ATMIN: variants seen among roughly 807,000 people sequenced by gnomAD.
ATMIN encodes the protein ATM interactor, also known as ATM INteracting protein.
ATMIN carries 24 observed loss-of-function variants against 49.2 expected under a neutral mutation model. The observed-to-expected ratio is 0.49, with a 90% CI of 0.35 to 0.69. The LOEUF (loss-of-function observed/expected upper bound fraction) is 0.69, where lower values mean the gene tolerates loss of function less well. ATMIN is among the 30% of genes least tolerant of loss of function. The pLI, the probability that ATMIN is intolerant of heterozygous loss-of-function variation, is 0.00. For missense variants in ATMIN, 1,037 were observed against 1,005.5 expected, an observed-to-expected ratio of 1.03 and a Z score of -0.42; for synonymous variants, 450 against 392.5, an observed-to-expected ratio of 1.15 and a Z score of -1.73.
intron 3 of ATMIN, 92 bp from the exon 4 acceptor site, chr16:81,043,069 G>C (rs1036718240): frequency 4.2e-6 from 6 of 1,438,576 alleles, no homozygotes; most frequent in Non-Finnish European, 4.7e-6. Context: ...TGCTATAGAT[G>C]GGGGAAATGG....
In ATMIN at chr16:81,043,426, C is replaced by A; in HGVS notation, c.928C>A (p.Gln310Lys). 1 of 1,613,652 alleles carries A rather than the reference C, an allele frequency of 6.2e-7. No individual in the cohort carries two copies. The change falls in exon 4 of 4, where the codon CAG (glutamine) becomes AAG (lysine). Residue 310 changes from glutamine (Q) to lysine (K), a missense_variant. Physicochemically the swap from Gln to Lys is moderately conservative, Grantham distance 53. Coordinates refer to ENST00000299575, the MANE Select transcript of ATMIN (RefSeq NM_015251.3). ...GGCTTTGGTTAAACTACCCGTGATG[C>A]AGTTTTCTGTCATGCCTGTCTTTGT... ...KVALVKLPVM[Q>K]FSVMPVFVPT... is the part of the protein sequence containing the mutation.
Position 81,043,980 on chromosome 16 carries a change from A to C in ATMIN, c.1482A>C (p.Gln494His). Reference sequence around the variant, plus strand: ...CAGGTGGGGTCTCCAGAGAAACTCAAACCAGTGGGATAGAAAGTCCAACGG... The same window carrying C: ...CAGGTGGGGTCTCCAGAGAAACTCACACCAGTGGGATAGAAAGTCCAACGG... ...FQSGGVSRETQTSGIESPTDD... is the reference protein window; with the variant it reads ...FQSGGVSRETHTSGIESPTDD... The change falls in exon 4 of 4, where the codon CAA (glutamine) becomes CAC (histidine). Residue 494 changes from glutamine to histidine, a missense_variant. Gln to His is a conservative substitution (Grantham distance 24, BLOSUM62 0). Transcript: ENST00000299575. 6.2e-7 allele frequency: 1 copy of C among 1,614,196 alleles called. No individual in the cohort carries two copies. Among genetic ancestry groups the C allele is most frequent in the Non-Finnish European group, 8.5e-7 (1 of 1,180,040 alleles).
rs926254717 is a variant in ATMIN, at chr16:81,046,776, G to A, written c.*1806G>A. The A allele has an allele frequency of 6.6e-6, 1 of 152,494 alleles. No individual in the cohort carries two copies. Among genetic ancestry groups the A allele is most frequent in the African/African-American group, 2.4e-5 (1 of 41,402 alleles). 9.4% of individuals were successfully genotyped at this position (152,494 alleles called of 1,614,324 possible). On this transcript the variant is annotated 3_prime_UTR_variant, in exon 4 of 4. Transcript: ENST00000299575. ...GTAAGGGGACTAATGATTCATTAAAGTAAATTGATGGTTTTGCTACTAATT... is the reference window on the plus strand; with the variant it reads ...GTAAGGGGACTAATGATTCATTAAAATAAATTGATGGTTTTGCTACTAATT...
chr16:81,044,377 G>A lies in ATMIN; in HGVS notation c.1879G>A (p.Gly627Ser). ...NPGPDTQLPS[G>S]PAQNPGIDFD... Reference sequence around the variant, plus strand: ...TGGACCTGACACCCAGCTCCCATCTGGCCCAGCCCAGAACCCCGGAATCGA... The same window carrying A: ...TGGACCTGACACCCAGCTCCCATCTAGCCCAGCCCAGAACCCCGGAATCGA... The change falls in exon 4 of 4, where the codon GGC (glycine) becomes AGC (serine). Residue 627 changes from glycine to serine, a missense_variant. Transcript: ENST00000299575. 6.2e-7 allele frequency: 1 copy of A among 1,614,028 alleles called. No individual in the cohort carries two copies. The highest frequency in any genetic ancestry group is 8.5e-7 in the Non-Finnish European group (1 of 1,180,004).
chr16:81,044,847 C>G lies in ATMIN; in HGVS notation c.2349C>G (p.Asn783Lys). The G allele has an allele frequency of 6.2e-7, 1 of 1,614,150 alleles. No homozygotes were observed. Among genetic ancestry groups the G allele is most frequent in the Non-Finnish European group, 8.5e-7 (1 of 1,180,030 alleles). The change falls in exon 4 of 4, where the codon AAC becomes AAG. Residue 783 changes from asparagine (N) to lysine (K), a missense_variant. By Grantham distance (94) the Asn-to-Lys change is moderately conservative. Coordinates refer to ENST00000299575, the MANE Select transcript of ATMIN (RefSeq NM_015251.3). Reference protein sequence around the residue: ...ETLGSLFFTSNETQTAMDDFL... With the variant: ...ETLGSLFFTSKETQTAMDDFL... Reference sequence around the variant, plus strand: ...TGGGGAGCTTGTTCTTCACCAGCAACGAAACTCAGACAGCAATGGATGACT... The same window carrying G: ...TGGGGAGCTTGTTCTTCACCAGCAAGGAAACTCAGACAGCAATGGATGACT...
At position 81,046,036 on chromosome 16, in the gene ATMIN, G is replaced by A. The variant is rs13185; in HGVS notation, c.*1066G>A. Reference sequence around the variant, plus strand: ...AGTGTAGTGTTCCTGCTAAATGAGCGTAGGTTATCCAAACCTTGGGAACAG... The same window carrying A: ...AGTGTAGTGTTCCTGCTAAATGAGCATAGGTTATCCAAACCTTGGGAACAG... On this transcript the variant is annotated 3_prime_UTR_variant, in exon 4 of 4. Transcript: ENST00000299575. 114,243 of 151,324 alleles carry A rather than the reference G, an allele frequency of 0.75. 45,809 individuals are homozygous for A. The highest frequency in any genetic ancestry group is 0.9 in the Non-Finnish European group (60,977 of 67,966). The allele number at this position is 151,324 out of a possible 1,614,324, so 9.4% of individuals were successfully genotyped here. A position where few individuals can be genotyped will look rare whatever the true frequency, so the allele number is the denominator to read the frequency against.
At position 81,042,453 on chromosome 16, in the gene ATMIN, C is replaced by T; in HGVS notation, c.635C>T (p.Thr212Ile). 1 of 1,614,136 alleles carries T rather than the reference C, an allele frequency of 6.2e-7. No homozygotes were observed. The highest frequency in any genetic ancestry group is 8.5e-7 in the Non-Finnish European group (1 of 1,180,034). ...GCACTGCAGTCTCACATCTACCGAA[C>T]TGGGCACGAGATACCTGCAGAACAC... is the stretch of plus-strand genomic sequence containing the variant. ...RTALQSHIYRTGHEIPAEHRD... is the reference protein window; with the variant it reads ...RTALQSHIYRIGHEIPAEHRD... The change falls in exon 3 of 4, where the codon ACT becomes ATT. Residue 212 changes from threonine (T) to isoleucine (I), a missense_variant. Coordinates refer to ENST00000299575, the MANE Select transcript of ATMIN (RefSeq NM_015251.3).
At chr16:81,036,685 G>A (rs1161907040) in intron 1 of ATMIN, among the ~76,000 whole-genome samples, 1 of 152,222 alleles carries the variant, frequency 6.6e-6, no homozygotes, top group Non-Finnish European at 1.5e-5. Flanking sequence ...GTCCTGCCCA[G>A]TGGACTGTAT....
Position 81,046,012 on chromosome 16 carries a change from G to A in ATMIN, c.*1042G>A, listed in dbSNP as rs1457969430. 1.3e-5 allele frequency: 2 copies of A among 151,456 alleles called. No homozygotes were observed. Among genetic ancestry groups the A allele is most frequent in the Non-Finnish European group, 2.9e-5 (2 of 67,980 alleles). The allele number at this position is 151,456 out of a possible 1,614,324, so 9.4% of individuals were successfully genotyped here. A position where few individuals can be genotyped will look rare whatever the true frequency, so the allele number is the denominator to read the frequency against. ...AAAAGTCGCCAGCAACAAGCACGTAGTGTAGTGTTCCTGCTAAATGAGCGT... is the reference window on the plus strand; with the variant it reads ...AAAAGTCGCCAGCAACAAGCACGTAATGTAGTGTTCCTGCTAAATGAGCGT... On this transcript the variant is annotated 3_prime_UTR_variant, in exon 4 of 4. Coordinates refer to ENST00000299575, the MANE Select transcript of ATMIN (RefSeq NM_015251.3).
chr16:81,046,948 C>T lies in ATMIN; in HGVS notation c.*1978C>T, dbSNP rs1971132353. ...TTTCAAAAGAAACATAAAGCCTTAA[C>T]TTAGAATTTCATTATGTTTTAGAAT... is the stretch of plus-strand genomic sequence containing the variant. On this transcript the variant is annotated 3_prime_UTR_variant, in exon 4 of 4. Coordinates refer to ENST00000299575, the MANE Select transcript of ATMIN (RefSeq NM_015251.3). The T allele has an allele frequency of 1.3e-5, 2 of 152,598 alleles. No homozygotes were observed. The highest frequency in any genetic ancestry group is 4.8e-5 in the African/African-American group (2 of 41,444). The allele number at this position is 152,598 out of a possible 1,614,324, so 9.5% of individuals were successfully genotyped here.
chr16:81,042,435 A>G lies in ATMIN; in HGVS notation c.617A>G (p.Gln206Arg), dbSNP rs1971051117. ...GCPYASRTALQSHIYRTGHEI... is the reference protein window; with the variant it reads ...GCPYASRTALRSHIYRTGHEI... ...CCCTACGCCAGTAGAACAGCACTGC[A>G]GTCTCACATCTACCGAACTGGGCAC... is the stretch of plus-strand genomic sequence containing the variant. The change falls in exon 3 of 4, where the codon CAG (glutamine) becomes CGG (arginine). Residue 206 changes from glutamine to arginine, a missense_variant. By Grantham distance (43) the Gln-to-Arg change is conservative (BLOSUM62 1). Coordinates refer to ENST00000299575, the MANE Select transcript of ATMIN (RefSeq NM_015251.3). 6 of 1,614,240 alleles carry G rather than the reference A, an allele frequency of 3.7e-6. No individual in the cohort carries two copies. The highest frequency in any genetic ancestry group is 5.1e-6 in the Non-Finnish European group (6 of 1,180,048).
At position 81,041,552 on chromosome 16, in the gene ATMIN, T is replaced by C. The variant is rs1971038624; in HGVS notation, c.462+71T>C. ...GTGCATTCTGATTACTTAGCAGACA[T>C]AACTACAGAATTGAGTAGACAGCTG... On this transcript the variant is annotated intron_variant, in intron 2 of 3. Transcript: ENST00000299575. The C allele has an allele frequency of 1.9e-6, 3 of 1,541,626 alleles. No homozygotes were observed. In the Admixed American group the frequency reaches 6.5e-5, roughly 34 times the overall value.
At position 81,043,812 on chromosome 16, in the gene ATMIN, G is replaced by A. The variant is rs757259114; in HGVS notation, c.1314G>A (p.Ser438=). 8.1e-6 allele frequency: 13 copies of A among 1,614,018 alleles called. No individual in the cohort carries two copies. Among genetic ancestry groups the A allele is most frequent in the Middle Eastern group, 1.6e-4 (1 of 6,084 alleles). Residue 438 remains serine (S), a synonymous_variant, in exon 4 of 4, where the codon TCG becomes TCA. Coordinates refer to ENST00000299575, the MANE Select transcript of ATMIN (RefSeq NM_015251.3). ...AQWATADSSV[S]SCSQTDLSFD... is the part of the protein sequence containing the mutation. ...GGGCCACTGCTGATTCCTCTGTGTC[G>A]TCTTGTTCTCAAACTGATTTGTCGT...
At chr16:81,041,631 T>C (rs1971039240) in intron 2 of ATMIN, 150 bp downstream of exon 2, 1 of 987,708 alleles carries the variant, frequency 1.0e-6, no homozygotes. Flanking sequence ...CTGAGTATGC[T>C]GTTACACAAG....
In ATMIN at chr16:81,042,263, C is replaced by G; in HGVS notation, c.463-18C>G. ...CAGTTGCTGTTTTTCACCTTAGTCCCTTCTGCGTTCCTCCTAGCACTTTAT... is the reference window on the plus strand; with the variant it reads ...CAGTTGCTGTTTTTCACCTTAGTCCGTTCTGCGTTCCTCCTAGCACTTTAT... On this transcript the variant is annotated intron_variant, in intron 2 of 3. Coordinates refer to ENST00000299575, the MANE Select transcript of ATMIN (RefSeq NM_015251.3). 6.2e-7 allele frequency: 1 copy of G among 1,611,534 alleles called. No individual in the cohort carries two copies. The highest frequency in any genetic ancestry group is 8.5e-7 in the Non-Finnish European group (1 of 1,179,374).
chr16:81,043,501 G>A lies in ATMIN; in HGVS notation c.1003G>A (p.Gly335Ser). 5 of 1,614,132 alleles carry A rather than the reference G, an allele frequency of 3.1e-6. No homozygotes were observed. Among genetic ancestry groups the A allele is most frequent in the Non-Finnish European group, 4.2e-6 (5 of 1,180,024 alleles). The part of the protein sequence containing the change: ...AQPVVLGVDQ[G>S]SATGAVHLMP... ...GCCTGTGGTGTTAGGTGTTGATCAG[G>A]GCTCTGCCACAGGGGCTGTGCACTT... The change falls in exon 4 of 4, where the codon GGC becomes AGC. Residue 335 changes from glycine to serine, a missense_variant. Coordinates refer to ENST00000299575, the MANE Select transcript of ATMIN (RefSeq NM_015251.3).
rs898758036 is a variant in ATMIN, at chr16:81,036,294, G to A, written c.336+88G>A. On this transcript the variant is annotated intron_variant, in intron 1 of 3. Coordinates refer to ENST00000299575, the MANE Select transcript of ATMIN (RefSeq NM_015251.3). ...CGGCGCGCGAAGCCGGCCTCGGGGG[G>A]ACGAGCGCCCTGCGCGCTGCCGCTG... 706 of 1,097,012 alleles carry A rather than the reference G, an allele frequency of 6.4e-4. 1 individual carries two copies. The highest frequency in any genetic ancestry group is 7.5e-4 in the Non-Finnish European group (673 of 899,546). The allele number at this position is 1,097,012 out of a possible 1,614,324, so 68.0% of individuals were successfully genotyped here.
At position 81,044,363 on chromosome 16, in the gene ATMIN, C is replaced by T. The variant is rs766477970; in HGVS notation, c.1865C>T (p.Thr622Ile). Residue 622 changes from threonine to isoleucine, a missense_variant, in exon 4 of 4, where the codon ACC becomes ATC. Transcript: ENST00000299575. ...TCTGACACAAATCCTGGACCTGACA[C>T]CCAGCTCCCATCTGGCCCAGCCCAG... Reference protein sequence around the residue: ...LLSDTNPGPDTQLPSGPAQNP... With the variant: ...LLSDTNPGPDIQLPSGPAQNP... 8.7e-6 allele frequency: 14 copies of T among 1,614,006 alleles called. No individual in the cohort carries two copies. In the South Asian group the frequency reaches 1.2e-4, roughly 14 times the overall value.
At position 81,045,904 on chromosome 16, in the gene ATMIN, G is replaced by A. The variant is rs1971110796; in HGVS notation, c.*934G>A. 1 of 151,722 alleles carries A rather than the reference G, an allele frequency of 6.6e-6. No homozygotes were observed. Among genetic ancestry groups the A allele is most frequent in the South Asian group, 2.1e-4 (1 of 4,800 alleles). 9.4% of individuals were successfully genotyped at this position (151,722 alleles called of 1,614,324 possible). ...AGGCTGAGGTGAGAGGATCACTCGAGGAGATTGGGGCTGCCATGAGCCATG... is the reference window on the plus strand; with the variant it reads ...AGGCTGAGGTGAGAGGATCACTCGAAGAGATTGGGGCTGCCATGAGCCATG... On this transcript the variant is annotated 3_prime_UTR_variant, in exon 4 of 4. Coordinates refer to ENST00000299575, the MANE Select transcript of ATMIN (RefSeq NM_015251.3).
Sources: allele counts gnomAD v4.1 joint callset (sites outside exome capture counted in the v4.1 genomes callset), GRCh38; gene constraint gnomAD v4.1.1; transcripts MANE v1.5; gene names NCBI Gene and HGNC (gene_info 2026-07-23, HGNC 2026-07-21).